Variants in ANXA4 observed in about 807,000 individuals in gnomAD.
ANXA4 encodes the protein annexin A4.
A neutral mutation model predicts 49.8 loss-of-function variants in ANXA4; 39 were observed. The observed-to-expected ratio is 0.78, with a 90% CI of 0.61 to 1.02. The LOEUF is 1.02. ANXA4 is among the 50% of genes least tolerant of loss of function. The pLI, the probability that ANXA4 is intolerant of heterozygous loss-of-function variation, is 0.00. For synonymous variants in ANXA4, 134 were observed against 152.5 expected, an observed-to-expected ratio of 0.88 and a Z score of 0.89; for missense variants, 360 against 410.1, an observed-to-expected ratio of 0.88 and a Z score of 1.05.
At chr2:69,769,221 A>G in intron 1 of ANXA4, among the ~76,000 whole-genome samples, 1 of 152,150 alleles carries the variant, frequency 6.6e-6, no homozygotes, top group South Asian at 2.1e-4. Context: ...CAACAAAGCA[A>G]GGATTAAACT....
intron 4 of ANXA4, among the ~76,000 whole-genome samples, 152 bp from the exon 5 acceptor site, chr2:69,806,232 CA>C (rs1673436476): frequency 6.6e-6 from 1 of 152,172 alleles, no homozygotes; most frequent in Non-Finnish European, 1.5e-5. Context: ...AGTGAAAAGG[CA>C]AATAACATCT....
chr2:69,665,546 A>G (rs1676903299), intron 2 of ANXA4, among the ~76,000 whole-genome samples: 1 of 152,070 alleles, frequency 6.6e-6, no homozygotes, highest in African/African-American at 2.4e-5. Flanking sequence ...ATTTTTTTGG[A>G]GCAATAGACA....
intron 1 of ANXA4, among the ~76,000 whole-genome samples, chr2:69,647,084 C>T (rs1294590070): frequency 2.0e-5 from 3 of 152,134 alleles, no homozygotes; most frequent in Admixed American, 6.6e-5. Flanking sequence ...CATGTGCTGC[C>T]CCCCGCTTTG....
intron 1 of ANXA4, among the ~76,000 whole-genome samples, chr2:69,756,934 A>ATTT (rs201747072): frequency 0.35 from 47,782 of 135,202 alleles, 8,091 homozygotes; most frequent in African/African-American, 0.43. Context: ...ATTAATTATT[A>ATTT]TTTTTTTTTT....
intron 3 of ANXA4, among the ~76,000 whole-genome samples, chr2:69,736,315 A>G (rs4852980): frequency 0.48 from 73,255 of 152,020 alleles, 18,162 homozygotes; most frequent in East Asian, 0.7. Flanking sequence ...GTTTAATGCA[A>G]CTTGTAGAAT....
chr2:69,791,973 C>A (rs1412265600), intron 3 of ANXA4, among the ~76,000 whole-genome samples: 1 of 152,154 alleles, frequency 6.6e-6, no homozygotes, highest in East Asian at 1.9e-4. Flanking sequence ...TTTTGGAACA[C>A]ATGTTAATAT....
intron 4 of ANXA4, among the ~76,000 whole-genome samples, chr2:69,805,046 C>CAAAAAAAAAAAAAAAAAAAAAAAAAAAAA (rs60172949): frequency 2.8e-5 from 1 of 35,870 alleles, no homozygotes. Context: ...GACTCCATCT[C>CAAAAAAAAAAAAAAAAAAAAAAAAAAAAA]AAAAAAAAAA....
At chr2:69,795,376 A>G (rs1016844923) in intron 3 of ANXA4, among the ~76,000 whole-genome samples, 4 of 152,176 alleles carry the variant, frequency 2.6e-5, no homozygotes, top group Non-Finnish European at 4.4e-5. Context: ...ACTATAAACC[A>G]TTTAGTTCCT....
intron 3 of ANXA4, among the ~76,000 whole-genome samples, chr2:69,732,282 T>G (rs1294052181): frequency 6.7e-6 from 1 of 150,328 alleles, no homozygotes; most frequent in Non-Finnish European, 1.5e-5. Context: ...CAGCCCTTAG[T>G]TATGTGTTCT....
intron 3 of ANXA4, among the ~76,000 whole-genome samples, chr2:69,796,450 AT>A (rs1672948853): frequency 6.6e-6 from 1 of 152,154 alleles, no homozygotes; most frequent in African/African-American, 2.4e-5. Context: ...TCCTTCTAAT[AT>A]CAGGAGCTGC....
intron 2 of ANXA4, among the ~76,000 whole-genome samples, chr2:69,782,219 C>T (rs958131480): frequency 6.6e-6 from 1 of 152,166 alleles, no homozygotes; most frequent in Non-Finnish European, 1.5e-5. Flanking sequence ...AATTCTGATC[C>T]GTGGTCTTCT....
At chr2:69,801,437 C>G (rs1263597517) in intron 3 of ANXA4, among the ~76,000 whole-genome samples, 2 of 150,932 alleles carry the variant, frequency 1.3e-5, no homozygotes, top group African/African-American at 4.9e-5. Flanking sequence ...GGGCCTCGCT[C>G]TGTCACTCAG....
chr2:69,653,261 T>C (rs1383833164), exon 2 of ANXA4: 1 of 152,230 alleles, frequency 6.6e-6, no homozygotes, highest in Non-Finnish European at 1.5e-5. Context: ...GTGCTTGAAC[T>C]TTGTTACTGG....
chr2:69,804,465 A>C (rs1673348438), intron 3 of ANXA4, 68 bp from the exon 4 acceptor site: 1 of 1,432,590 alleles, frequency 7.0e-7, no homozygotes, highest in Non-Finnish European at 9.7e-7. Flanking sequence ...TCCAATGTCC[A>C]CAGAGGAACC....
At chr2:69,645,215 C>T (rs1675960621) in intron 1 of ANXA4, among the ~76,000 whole-genome samples, 1 of 152,260 alleles carries the variant, frequency 6.6e-6, no homozygotes, top group Non-Finnish European at 1.5e-5. Flanking sequence ...GTTGCTGCTG[C>T]TGCAGCTTGT....
At chr2:69,744,048 A>G (rs1353518505) in intron 1 of ANXA4, among the ~76,000 whole-genome samples, 2 of 152,190 alleles carry the variant, frequency 1.3e-5, no homozygotes, top group Non-Finnish European at 2.9e-5. Flanking sequence ...AGTGGCAGGC[A>G]CTGGGGATTG....
intron 3 of ANXA4, among the ~76,000 whole-genome samples, chr2:69,797,353 G>A (rs961905145): frequency 5.9e-5 from 9 of 152,218 alleles, no homozygotes; most frequent in East Asian, 3.9e-4. Flanking sequence ...ACCCCCAAGC[G>A]TAATACCAGA....
intron 2 of ANXA4, among the ~76,000 whole-genome samples, chr2:69,671,740 A>G (rs955357027): frequency 6.6e-6 from 1 of 152,196 alleles, no homozygotes; most frequent in Non-Finnish European, 1.5e-5. Context: ...ATATATATAT[A>G]CACACATATG....
rs1243542753 is a variant in ANXA4, at chr2:69,826,075, C to T, written c.*560C>T. 5 of 152,566 alleles carry T rather than the reference C, an allele frequency of 3.3e-5. No homozygotes were observed. Among genetic ancestry groups the T allele is most frequent in the African/African-American group, 9.7e-5 (4 of 41,410 alleles). 9.5% of individuals were successfully genotyped at this position (152,566 alleles called of 1,614,324 possible). A position where few individuals can be genotyped will look rare whatever the true frequency, so the allele number is the denominator to read the frequency against. Reference sequence around the variant, plus strand: ...TCCTTACTAAGTTTTTCATGGGAGACTTCCTTCATCACATCTTATGTTGAA... The same window carrying T: ...TCCTTACTAAGTTTTTCATGGGAGATTTCCTTCATCACATCTTATGTTGAA... On this transcript the variant is annotated 3_prime_UTR_variant, in exon 13 of 13. Coordinates refer to ENST00000394295, the MANE Select transcript of ANXA4 (RefSeq NM_001153.5).
Sources: gnomAD v4.1 joint callset for allele counts (sites outside exome capture counted in the v4.1 genomes callset) on GRCh38, gnomAD v4.1.1 for gene constraint, MANE v1.5 for transcripts, NCBI Gene and HGNC (gene_info 2026-07-23, HGNC 2026-07-21) for gene names.